The following CSMD1 variants were observed in gnomAD, a reference collection of about 807,000 sequenced individuals.
The protein encoded by CSMD1 is CUB and sushi domain-containing protein 1.
A neutral mutation model predicts 417.5 loss-of-function variants in CSMD1; 213 were observed. The ratio of observed to expected loss-of-function variants is 0.51; its 90% CI spans 0.46 to 0.57. The LOEUF (loss-of-function observed/expected upper bound fraction) is 0.57, where lower values mean the gene tolerates loss of function less well. Ranked by LOEUF, CSMD1 falls within the 20% of genes least tolerant of loss-of-function variation. CSMD1 has a pLI of 0.00. For synonymous variants in CSMD1, 2,862 were observed against 1,736.8 expected, an observed-to-expected ratio of 1.65 and a Z score of -16.11; for missense variants, 6,923 against 4,529.7, an observed-to-expected ratio of 1.53 and a Z score of -15.17.
At chr8:3,103,331 T>C (rs10086813) in intron 46 of CSMD1, among the ~76,000 whole-genome samples, 148,392 of 152,244 alleles carry the variant, frequency 0.97, 72,340 homozygotes, top group African/African-American at 0.99. Context: ...CAGCCCCACC[T>C]TCAGTTTGGT....
chr8:4,755,075 T>G (rs1260105497), intron 1 of CSMD1, among the ~76,000 whole-genome samples: 1 of 152,144 alleles, frequency 6.6e-6, no homozygotes, highest in Non-Finnish European at 1.5e-5. Flanking sequence ...GAGGCGGAAG[T>G]TGCAGTGAGC....
chr8:3,587,720 T>C (rs1311016843), intron 8 of CSMD1, among the ~76,000 whole-genome samples: 1 of 152,178 alleles, frequency 6.6e-6, no homozygotes, highest in Non-Finnish European at 1.5e-5. Flanking sequence ...ACACATTTCT[T>C]TTCTAAAGGG....
At chr8:4,523,833 G>C (rs147047316) in intron 2 of CSMD1, among the ~76,000 whole-genome samples, 102 of 152,256 alleles carry the variant, frequency 6.7e-4, no homozygotes, top group Middle Eastern at 3.4e-3. Context: ...CAACCATACT[G>C]TTTCTTAACT....
intron 1 of CSMD1, among the ~76,000 whole-genome samples, chr8:4,741,394 A>G (rs1009201465): frequency 3.9e-5 from 6 of 152,228 alleles, no homozygotes; most frequent in African/African-American, 1.4e-4. Context: ...TATTCTTGCC[A>G]CAAGATTAAA....
At chr8:3,716,287 G>A in intron 6 of CSMD1, among the ~76,000 whole-genome samples, 1 of 152,148 alleles carries the variant, frequency 6.6e-6, no homozygotes, top group East Asian at 1.9e-4. Flanking sequence ...AGAATTCAGT[G>A]GGAGTCCACA....
At chr8:4,858,949 C>A (rs1226843967) in intron 1 of CSMD1, among the ~76,000 whole-genome samples, 1 of 150,784 alleles carries the variant, frequency 6.6e-6, no homozygotes, top group Admixed American at 6.6e-5. Context: ...AAAGAGCCCG[C>A]ATCGCCAAGG....
At chr8:4,906,117 T>C (rs1375325781) in intron 1 of CSMD1, among the ~76,000 whole-genome samples, 1 of 152,186 alleles carries the variant, frequency 6.6e-6, no homozygotes, top group Non-Finnish European at 1.5e-5. Context: ...GTATGATATA[T>C]GGTAGGTTTC....
At chr8:3,347,824 G>A (rs905134812) in intron 22 of CSMD1, among the ~76,000 whole-genome samples, 168 bp downstream of exon 22, 3 of 152,096 alleles carry the variant, frequency 2.0e-5, no homozygotes, top group African/African-American at 7.2e-5. Context: ...TGCTCTAAGC[G>A]AAGTGACATT....
intron 10 of CSMD1, among the ~76,000 whole-genome samples, chr8:3,530,247 A>G (rs1278361084): frequency 1.3e-5 from 2 of 152,026 alleles, no homozygotes; most frequent in East Asian, 1.9e-4. Context: ...TTTAAAATAT[A>G]TTAGGTTGTT....
At chr8:3,381,171 C>T (rs1810604781) in intron 18 of CSMD1, among the ~76,000 whole-genome samples, 1 of 151,878 alleles carries the variant, frequency 6.6e-6, no homozygotes, top group African/African-American at 2.4e-5. Flanking sequence ...ATTCAGAGTA[C>T]TACAACTTTT....
intron 3 of CSMD1, among the ~76,000 whole-genome samples, chr8:4,039,960 A>G (rs1408155779): frequency 1.3e-5 from 2 of 152,246 alleles, no homozygotes; most frequent in African/African-American, 2.4e-5. Context: ...AGAATTGTAA[A>G]AAGATATCAC....
chr8:3,044,249 T>C (rs1468189328), intron 50 of CSMD1, among the ~76,000 whole-genome samples: 2 of 152,356 alleles, frequency 1.3e-5, no homozygotes, highest in East Asian at 3.9e-4. Context: ...TGTCAATCAA[T>C]GCCAAATGTT....
intron 7 of CSMD1, among the ~76,000 whole-genome samples, chr8:3,641,311 G>A (rs1238238379): frequency 6.6e-6 from 1 of 152,006 alleles, no homozygotes; most frequent in Non-Finnish European, 1.5e-5. Context: ...GGTGGAGAAC[G>A]GGTGAGTCAC....
intron 8 of CSMD1, among the ~76,000 whole-genome samples, chr8:3,591,695 AT>A (rs1479213319): frequency 2.6e-5 from 4 of 152,164 alleles, no homozygotes; most frequent in Admixed American, 2.6e-4. Context: ...GAGATAGATG[AT>A]TGATAGATAG....
intron 4 of CSMD1, among the ~76,000 whole-genome samples, chr8:4,019,905 G>T (rs67782723): frequency 7.9e-6 from 1 of 126,458 alleles, no homozygotes; most frequent in South Asian, 3.0e-4. Context: ...AAGAATAGCA[G>T]TAATTCATTA....
intron 10 of CSMD1, among the ~76,000 whole-genome samples, chr8:3,523,882 C>G (rs1486995543): frequency 6.6e-6 from 1 of 150,464 alleles, no homozygotes; most frequent in Non-Finnish European, 1.5e-5. Context: ...CATGCACACA[C>G]ATGCACAGAG....
chr8:3,877,765 T>C (rs927865649), intron 5 of CSMD1, among the ~76,000 whole-genome samples: 3 of 152,206 alleles, frequency 2.0e-5, no homozygotes, highest in Non-Finnish European at 4.4e-5. Context: ...GATATGTAAA[T>C]CTAGCGTTAG....
At position 3,913,430 on chromosome 8, in the gene CSMD1, G is replaced by A. The variant is rs139042330; in HGVS notation, c.818+84473C>T. ...CAAACCACTGGGATGTGTCCCAGAA[G>A]CAACCAGCGAAGGGAAATGTAACCT... On this transcript the variant is annotated intron_variant, in intron 5 of 69. Transcript: ENST00000635120. Among the ~76,000 whole-genome samples, 843 of 152,240 alleles carry A rather than the reference G, an allele frequency of 5.5e-3. 8 individuals are homozygous for A. The highest frequency in any genetic ancestry group is 0.01 in the South Asian group (49 of 4,814).
intron 23 of CSMD1, among the ~76,000 whole-genome samples, chr8:3,316,416 G>A (rs1399787027): frequency 1.3e-5 from 2 of 152,178 alleles, no homozygotes; most frequent in Non-Finnish European, 2.9e-5. Flanking sequence ...TCTAATGAAT[G>A]ACAGATAGGA....
Sources: allele counts gnomAD v4.1 joint callset (sites outside exome capture counted in the v4.1 genomes callset), GRCh38; gene constraint gnomAD v4.1.1; transcripts MANE v1.5; gene names NCBI Gene and HGNC (gene_info 2026-07-23, HGNC 2026-07-21).